The following DRC9 variants were observed in gnomAD, a reference collection of about 807,000 sequenced individuals.
DRC9 encodes dynein regulatory complex subunit 9, also known as dynein regulatory complex protein 9.
chr3:197,923,500 C>G, the DRC9 span, among the ~76,000 whole-genome samples: 1 of 151,956 alleles, frequency 6.6e-6, no homozygotes, highest in Non-Finnish European at 1.5e-5. Context: ...GGGGCCAAGG[C>G]AGACAGATCA....
chr3:197,928,383 G>A, the DRC9 span, among the ~76,000 whole-genome samples: 4 of 121,682 alleles, frequency 3.3e-5, no homozygotes, highest in African/African-American at 1.2e-4. Flanking sequence ...GAGTCTTGTT[G>A]TGTCGCCCAG....
the DRC9 span, chr3:197,939,000 C>T: frequency 1.9e-6 from 1 of 533,854 alleles, no homozygotes; most frequent in Admixed American, 3.4e-5. Flanking sequence ...CCACCTGGTA[C>T]ACTCTGCTCA....
At chr3:197,950,214 C>T in the DRC9 span, 1 of 1,231,450 alleles carries the variant, frequency 8.1e-7, no homozygotes, top group South Asian at 4.1e-5. Context: ...ATCTTGGCTC[C>T]TGTGGAGGTG....
the DRC9 span, chr3:197,912,858 T>C: frequency 1.2e-6 from 1 of 865,196 alleles, no homozygotes; most frequent in Non-Finnish European, 1.9e-6. Flanking sequence ...CTTTACCAGC[T>C]GGGATCCCGG....
the DRC9 span, among the ~76,000 whole-genome samples, chr3:197,932,862 T>TATGTATAATATACATTATAC: frequency 9.5e-4 from 132 of 139,072 alleles, no homozygotes; most frequent in Middle Eastern, 3.6e-3. Context: ...ATACATTATA[T>TATGTATAATATACATTATAC]ATGTATAATA....
the DRC9 span, among the ~76,000 whole-genome samples, chr3:197,934,875 C>G: frequency 6.7e-6 from 1 of 149,254 alleles, no homozygotes; most frequent in Non-Finnish European, 1.5e-5. Context: ...GTCCCTGCCA[C>G]TTGGGAGGCT....
At chr3:197,890,483 T>C in the DRC9 span, among the ~76,000 whole-genome samples, 1 of 152,198 alleles carries the variant, frequency 6.6e-6, no homozygotes, top group Non-Finnish European at 1.5e-5. Flanking sequence ...TCTTTAGTGA[T>C]TGCTTAAAAG....
chr3:197,955,024 C>G, the DRC9 span, among the ~76,000 whole-genome samples: 6 of 152,136 alleles, frequency 3.9e-5, no homozygotes, highest in African/African-American at 1.2e-4. Context: ...GCCTTGGACT[C>G]TAAATTTTTC....
the DRC9 span, among the ~76,000 whole-genome samples, chr3:197,927,241 T>C: frequency 6.6e-6 from 1 of 152,248 alleles, no homozygotes; most frequent in Non-Finnish European, 1.5e-5. Context: ...ATTTTTCTTT[T>C]TTTGAGACAG....
At chr3:197,891,555 G>A in the DRC9 span, 1 of 1,468,784 alleles carries the variant, frequency 6.8e-7, no homozygotes, top group Non-Finnish European at 9.5e-7. Context: ...TATCTGCAAA[G>A]ATAGACATTC....
chr3:197,897,140 TAAAA>T, the DRC9 span, among the ~76,000 whole-genome samples: 5 of 149,140 alleles, frequency 3.4e-5, no homozygotes, highest in South Asian at 1.1e-3. Context: ...TTTAAAATTG[TAAAA>T]AAAAAACTAT....
At chr3:197,938,655 T>C in the DRC9 span, 2 of 1,614,086 alleles carry the variant, frequency 1.2e-6, no homozygotes, top group Non-Finnish European at 1.7e-6. Context: ...CGAACCGGCC[T>C]CTGTGTCTGA....
chr3:197,943,929 T>C, the DRC9 span: 5 of 1,614,168 alleles, frequency 3.1e-6, no homozygotes, highest in Non-Finnish European at 4.2e-6. Context: ...TGGGATGATT[T>C]CTATGTCTGT....
At chr3:197,957,622 T>A in the DRC9 span, 2 of 152,188 alleles carry the variant, frequency 1.3e-5, no homozygotes, top group Non-Finnish European at 2.9e-5. Context: ...TGATGCTGTA[T>A]TCACCAGAAG....
the DRC9 span, among the ~76,000 whole-genome samples, chr3:197,940,308 CAT>C: frequency 0.15 from 21,744 of 146,258 alleles, 2,669 homozygotes; most frequent in African/African-American, 0.34. Context: ...TAAAAATTTA[CAT>C]ATATATATAT....
the DRC9 span, among the ~76,000 whole-genome samples, chr3:197,952,181 T>G: frequency 7.2e-6 from 1 of 138,272 alleles, no homozygotes; most frequent in Non-Finnish European, 1.5e-5. Context: ...TTTTTTTTTT[T>G]TTTTTTTGGA....
chr3:197,947,837 C>T, the DRC9 span, among the ~76,000 whole-genome samples: 2 of 151,854 alleles, frequency 1.3e-5, no homozygotes, highest in Admixed American at 6.6e-5. Flanking sequence ...AGGCAATTCT[C>T]TCCAAACGTC....
At chr3:197,932,444 C>A in the DRC9 span, 2 of 509,974 alleles carry the variant, frequency 3.9e-6, no homozygotes, top group Non-Finnish European at 6.7e-6. Context: ...ACCATCCTGG[C>A]CAACATGGTA....
the DRC9 span, chr3:197,912,529 G>C: frequency 1.5e-6 from 1 of 679,128 alleles, no homozygotes; most frequent in Non-Finnish European, 2.6e-6. Context: ...CTATTCAGAT[G>C]CATAACCCTG....
Sources: allele counts gnomAD v4.1 joint callset (sites outside exome capture counted in the v4.1 genomes callset), GRCh38; gene constraint gnomAD v4.1.1; transcripts MANE v1.5; gene names NCBI Gene and HGNC (gene_info 2026-07-23, HGNC 2026-07-21).